The following NLGN1 variants were observed in gnomAD, a reference collection of about 807,000 sequenced individuals.
NLGN1 encodes neuroligin-1.
In NLGN1, 12 loss-of-function variants were observed where a neutral mutation model predicts 65.5. The ratio of observed to expected loss-of-function variants is 0.18; its 90% CI spans 0.12 to 0.30. NLGN1 has a LOEUF of 0.30. Ranked by LOEUF, NLGN1 falls within the 10% of genes least tolerant of loss-of-function variation. The pLI is 1.00. For missense variants in NLGN1, 750 were observed against 1,007.1 expected (o/e 0.74, Z 3.46); for synonymous variants, 350 against 359.5 (o/e 0.97, Z 0.30).
At chr3:173,875,275 C>A (rs185757959) in intron 4 of NLGN1, among the ~76,000 whole-genome samples, 185 of 152,276 alleles carry the variant, frequency 1.2e-3, no homozygotes, top group African/African-American at 4.3e-3. Context: ...TGACCCTCTG[C>A]CATCTGAACT....
At chr3:173,912,865 T>G (rs1739907262) in intron 4 of NLGN1, among the ~76,000 whole-genome samples, 1 of 152,180 alleles carries the variant, frequency 6.6e-6, no homozygotes, top group Non-Finnish European at 1.5e-5. Flanking sequence ...ATAGAAAGTA[T>G]GATTACAAGT....
At position 173,914,536 on chromosome 3, in the gene NLGN1, T is replaced by TACACAC. The variant is rs10576275; in HGVS notation, c.646+106720_646+106725dup. Among the ~76,000 whole-genome samples the TACACAC allele has an allele frequency of 1.4e-3, 193 of 142,336 alleles. 1 individual carries two copies. Among genetic ancestry groups the TACACAC allele is most frequent in the African/African-American group, 4.7e-3 (181 of 38,560 alleles). The allele number at this position is 142,336 out of a possible 152,430, so 93.4% of individuals were successfully genotyped here. Reference sequence around the variant, plus strand: ...GTATATATACACATACATCTATACATACACACACACACACACACACATATG... The same window carrying TACACAC: ...GTATATATACACATACATCTATACATACACACACACACACACACACACACACATATG... On this transcript the variant is annotated intron_variant, in intron 4 of 6. Transcript: ENST00000457714.
intron 3 of NLGN1, among the ~76,000 whole-genome samples, chr3:173,616,655 C>G (rs1577556108): frequency 6.6e-6 from 1 of 152,216 alleles, no homozygotes; most frequent in East Asian, 1.9e-4. Context: ...CCTGCAGACA[C>G]CATCCTTCTT....
intron 4 of NLGN1, among the ~76,000 whole-genome samples, chr3:174,032,626 G>A (rs1024141480): frequency 1.4e-4 from 22 of 152,136 alleles, no homozygotes; most frequent in South Asian, 2.1e-4. Flanking sequence ...AGTCTTAGAG[G>A]AAAGCCCCAC....
At chr3:173,677,974 T>C (rs1763400642) in intron 3 of NLGN1, among the ~76,000 whole-genome samples, 1 of 152,130 alleles carries the variant, frequency 6.6e-6, no homozygotes, top group African/African-American at 2.4e-5. Context: ...TTCAGTTATC[T>C]ATAGTTTCTG....
At chr3:173,857,173 G>A (rs1336390675) in intron 4 of NLGN1, among the ~76,000 whole-genome samples, 4 of 151,998 alleles carry the variant, frequency 2.6e-5, no homozygotes, top group Non-Finnish European at 4.4e-5. Flanking sequence ...GGGGGTTGGG[G>A]TAGCATGTCC....
intron 3 of NLGN1, among the ~76,000 whole-genome samples, chr3:173,737,046 T>C (rs1773885942): frequency 6.6e-6 from 1 of 152,036 alleles, no homozygotes; most frequent in South Asian, 2.1e-4. Context: ...GTAATATTAC[T>C]AAACAGAACC....
chr3:174,086,293 A>T, intron 4 of NLGN1, among the ~76,000 whole-genome samples: 1 of 149,940 alleles, frequency 6.7e-6, no homozygotes, highest in African/African-American at 2.5e-5. Flanking sequence ...AAATATATAT[A>T]TATTTATGTA....
intron 4 of NLGN1, among the ~76,000 whole-genome samples, chr3:174,114,185 G>A (rs750838014): frequency 2.6e-5 from 4 of 152,092 alleles, no homozygotes. Flanking sequence ...TCAGTGCCAT[G>A]CCTGCACAGG....
In NLGN1 at chr3:174,280,094, T is replaced by C. The variant is rs1482451781; in HGVS notation, c.1650-387T>C. On this transcript the variant is annotated intron_variant, in intron 6 of 6. Transcript: ENST00000457714. The surrounding 1 kb of genome is among the most constrained non-coding windows in gnomAD (Gnocchi z 4.9). ...TAGAGATGTTCACATGTCTGGTATA[T>C]AGCAGAGCCTAGGCTCAAACCTTCA... Among the ~76,000 whole-genome samples the C allele has an allele frequency of 6.6e-6, 1 of 152,026 alleles. No homozygotes were observed. The highest frequency in any genetic ancestry group is 1.9e-4 in the East Asian group (1 of 5,144).
chr3:173,431,274 C>G (rs977017020), intron 1 of NLGN1, among the ~76,000 whole-genome samples: 2 of 152,136 alleles, frequency 1.3e-5, no homozygotes, highest in Admixed American at 1.3e-4. Flanking sequence ...TTGAACCAGC[C>G]ATTTCTCCGA....
intron 2 of NLGN1, among the ~76,000 whole-genome samples, chr3:173,454,461 C>T (rs188310647): frequency 1.3e-5 from 2 of 152,270 alleles, no homozygotes; most frequent in African/African-American, 4.8e-5. Flanking sequence ...AGAAGAAAGC[C>T]TACAAGCCAG....
At chr3:173,714,980 A>T (rs1312178772) in intron 3 of NLGN1, among the ~76,000 whole-genome samples, 1 of 152,100 alleles carries the variant, frequency 6.6e-6, no homozygotes, top group South Asian at 2.1e-4. Context: ...TTTTGATATA[A>T]CATAAAGAGC....
At position 173,697,029 on chromosome 3, in the gene NLGN1, A is replaced by T. The variant is rs1198248648; in HGVS notation, c.493+91938A>T. Among the ~76,000 whole-genome samples the T allele has an allele frequency of 3.3e-5, 5 of 152,200 alleles. No homozygotes were observed. In the South Asian group the frequency reaches 1.0e-3, roughly 31 times the overall value. On this transcript the variant is annotated intron_variant, in intron 3 of 6. Transcript: ENST00000457714. ...AAGCCAGAGAGTAATAATAGCTATT[A>T]CCTATTATTAACAATGCTATCCTTC...
the NLGN1 span, among the ~76,000 whole-genome samples, chr3:174,292,689 T>G: frequency 6.6e-6 from 1 of 151,506 alleles, no homozygotes; most frequent in Non-Finnish European, 1.5e-5. Flanking sequence ...TTATTTCAGC[T>G]AATAAAAGAA....
intron 2 of NLGN1, among the ~76,000 whole-genome samples, chr3:173,581,591 G>C (rs1258378056): frequency 6.6e-6 from 1 of 151,614 alleles, no homozygotes; most frequent in Non-Finnish European, 1.5e-5. Context: ...CCATTTAGGT[G>C]GTAATTTTTG....
chr3:173,592,150 G>C (rs1475680000), intron 2 of NLGN1, among the ~76,000 whole-genome samples: 1 of 152,218 alleles, frequency 6.6e-6, no homozygotes, highest in East Asian at 1.9e-4. Context: ...TGGAAGTCAG[G>C]CTTCCTAAGT....
chr3:174,213,478 AAAT>A (rs927149337), intron 4 of NLGN1, among the ~76,000 whole-genome samples: 30 of 152,248 alleles, frequency 2.0e-4, no homozygotes, highest in African/African-American at 7.2e-4. Flanking sequence ...AACAATGTTG[AAAT>A]AATAATAGTA....
At chr3:174,204,013 A>C (rs185631557) in intron 4 of NLGN1, among the ~76,000 whole-genome samples, 5 of 152,316 alleles carry the variant, frequency 3.3e-5, no homozygotes, top group Admixed American at 2.6e-4. Flanking sequence ...TTTTAAAATG[A>C]ATTCATGCCA....
Sources: gnomAD v4.1 joint callset for allele counts (sites outside exome capture counted in the v4.1 genomes callset) on GRCh38, gnomAD v4.1.1 for gene constraint, Gnocchi (gnomAD v3.1) non-coding constraint, MANE v1.5 for transcripts, NCBI Gene and HGNC (gene_info 2026-07-23, HGNC 2026-07-21) for gene names.